The following DLGAP2 variants were observed in gnomAD, a reference collection of about 807,000 sequenced individuals.
DLGAP2 encodes the protein disks large-associated protein 2.
A neutral mutation model predicts 100.3 loss-of-function variants in DLGAP2; 26 were observed. The ratio of observed to expected loss-of-function variants is 0.26; its 90% CI spans 0.19 to 0.36. The LOEUF is 0.36. DLGAP2 is among the 10% of genes least tolerant of loss of function. The pLI, the probability that DLGAP2 is intolerant of heterozygous loss-of-function variation, is 1.00. For missense variants in DLGAP2, 1,858 were observed against 1,453.2 expected, an observed-to-expected ratio of 1.28 and a Z score of -4.53; for synonymous variants, 886 against 630.1, an observed-to-expected ratio of 1.41 and a Z score of -6.08.
rs779157177 is a variant in DLGAP2, at chr8:1,701,411, G to C, written c.*5G>C. 3 of 1,577,848 alleles carry C rather than the reference G, an allele frequency of 1.9e-6. No homozygotes were observed. The highest frequency in any genetic ancestry group is 2.6e-6 in the Non-Finnish European group (3 of 1,163,282). On this transcript the variant is annotated 3_prime_UTR_variant, in exon 15 of 15. Transcript: ENST00000637795. Reference sequence around the variant, plus strand: ...GAGGCCCAGACCCGGCTCTGAGGGCGGAGGCCGGCGCCTTCCCCTCGTCGC... The same window carrying C: ...GAGGCCCAGACCCGGCTCTGAGGGCCGAGGCCGGCGCCTTCCCCTCGTCGC...
chr8:1,428,993 C>T (rs1052255782), intron 3 of DLGAP2, among the ~76,000 whole-genome samples: 2 of 152,190 alleles, frequency 1.3e-5, no homozygotes, highest in Non-Finnish European at 2.9e-5. Context: ...CATTAAAATT[C>T]TGTGGAGTTT....
At chr8:827,759 A>G (rs997658749) in intron 1 of DLGAP2, among the ~76,000 whole-genome samples, 31 of 152,230 alleles carry the variant, frequency 2.0e-4, no homozygotes, top group African/African-American at 6.8e-4. Flanking sequence ...GAATAGATCT[A>G]TGTTGCTCAG....
At chr8:805,898 A>C in intron 1 of DLGAP2, among the ~76,000 whole-genome samples, 1 of 152,264 alleles carries the variant, frequency 6.6e-6, no homozygotes, top group East Asian at 1.9e-4. Flanking sequence ...GGCTGGGAAC[A>C]TAGCCAGCAC....
At chr8:1,413,175 GGC>G (rs1424503438) in intron 3 of DLGAP2, among the ~76,000 whole-genome samples, 9 of 152,086 alleles carry the variant, frequency 5.9e-5, no homozygotes, top group Admixed American at 5.9e-4. Context: ...TCCAAGTCAT[GGC>G]TTGTCTCCCT....
intron 2 of DLGAP2, among the ~76,000 whole-genome samples, chr8:997,370 T>G (rs114832675): frequency 7.0e-4 from 106 of 152,334 alleles, no homozygotes; most frequent in African/African-American, 2.5e-3. Context: ...TTTTCCCCTG[T>G]CCTTTTTAGA....
intron 3 of DLGAP2, among the ~76,000 whole-genome samples, chr8:1,290,732 G>A (rs993522811): frequency 6.6e-6 from 1 of 152,194 alleles, no homozygotes; most frequent in African/African-American, 2.4e-5. Context: ...ATTCCAGACA[G>A]TATGTAGTTA....
chr8:1,306,802 C>G (rs1563073770), intron 3 of DLGAP2, among the ~76,000 whole-genome samples: 1 of 152,118 alleles, frequency 6.6e-6, no homozygotes, highest in Non-Finnish European at 1.5e-5. Context: ...GGAGAAGGAA[C>G]AGTGTTTTCA....
chr8:1,362,191 C>T (rs1042832403), intron 3 of DLGAP2, among the ~76,000 whole-genome samples: 4 of 152,056 alleles, frequency 2.6e-5, no homozygotes, highest in East Asian at 1.9e-4. Flanking sequence ...AGGGCAGGGG[C>T]GGCCGAGGTG....
intron 2 of DLGAP2, among the ~76,000 whole-genome samples, chr8:1,158,600 G>C (rs1796835503): frequency 6.6e-6 from 1 of 152,204 alleles, no homozygotes; most frequent in Admixed American, 6.5e-5. Context: ...CCTGTGAAAT[G>C]AATGGTTTAT....
chr8:1,118,969 TATC>T, intron 2 of DLGAP2, among the ~76,000 whole-genome samples: 1 of 152,370 alleles, frequency 6.6e-6, no homozygotes, highest in South Asian at 2.1e-4. Context: ...TGATGTTCAA[TATC>T]ATTTTATTTA....
At chr8:1,258,045 C>T (rs541156249) in intron 2 of DLGAP2, among the ~76,000 whole-genome samples, 1 of 152,234 alleles carries the variant, frequency 6.6e-6, no homozygotes, top group African/African-American at 2.4e-5. Context: ...CTGTAAATGC[C>T]GTGCTCCCAA....
intron 2 of DLGAP2, among the ~76,000 whole-genome samples, chr8:1,117,234 G>A (rs56152565): frequency 0.28 from 42,335 of 152,178 alleles, 6,756 homozygotes; most frequent in Non-Finnish European, 0.38. Context: ...TGCCGAGCTA[G>A]TGCCTCGGGG....
intron 2 of DLGAP2, among the ~76,000 whole-genome samples, chr8:958,283 G>T (rs561726286): frequency 6.6e-6 from 1 of 152,056 alleles, no homozygotes; most frequent in East Asian, 1.9e-4. Flanking sequence ...ATGTTTTGTC[G>T]ATCCATTCAT....
chr8:1,457,461 C>T (rs1033592832), intron 3 of DLGAP2, among the ~76,000 whole-genome samples: 15 of 152,128 alleles, frequency 9.9e-5, no homozygotes, highest in African/African-American at 3.6e-4. Flanking sequence ...ACTCGGTCTC[C>T]TAGAAACATA....
Position 1,459,982 on chromosome 8 carries a change from G to A in DLGAP2, c.107-41384G>A, listed in dbSNP as rs75079229. Among the ~76,000 whole-genome samples, 228 of 152,282 alleles carry A rather than the reference G, an allele frequency of 1.5e-3. No homozygotes were observed. In the East Asian group the frequency reaches 0.028, roughly 19 times the overall value. On this transcript the variant is annotated intron_variant, in intron 3 of 14. Transcript: ENST00000637795. ...AGTACTCACAGAGGTTCGGGACCTC[G>A]GGTGTTTTTATGTAATGGAATGAAG...
Position 1,284,354 on chromosome 8 carries a change from C to A in DLGAP2, c.106+25471C>A, listed in dbSNP as rs193029609. On this transcript the variant is annotated intron_variant, in intron 3 of 14. Transcript: ENST00000637795. ...TCTGGTATCCGGGGCTGTGGAATTG[C>A]TTCAGAGGAACCCATTAAAATGATC... 7.9e-4 allele frequency among the ~76,000 whole-genome samples: 121 copies of A among 152,238 alleles called. 1 individual carries two copies. In the East Asian group the frequency reaches 0.014, roughly 18 times the overall value.
chr8:1,205,803 C>T (rs1245476754), intron 2 of DLGAP2, among the ~76,000 whole-genome samples: 2 of 152,156 alleles, frequency 1.3e-5, no homozygotes, highest in Non-Finnish European at 2.9e-5. Flanking sequence ...CCTAGGAGGA[C>T]TTCAGTCCGC....
intron 10 of DLGAP2, among the ~76,000 whole-genome samples, chr8:1,672,388 C>T (rs770999060): frequency 5.9e-5 from 9 of 152,028 alleles, no homozygotes; most frequent in Admixed American, 2.6e-4. Context: ...TGTGCCACCA[C>T]GCCTAATTTT....
rs926711865 is a variant in DLGAP2, at chr8:1,139,748, G to C, written c.74-119103G>C. Among the ~76,000 whole-genome samples, 4 of 152,174 alleles carry C rather than the reference G, an allele frequency of 2.6e-5. No homozygotes were observed. The East Asian group carries it at 5.8e-4, about 22-fold the overall frequency. On this transcript the variant is annotated intron_variant, in intron 2 of 14. Coordinates refer to ENST00000637795, the MANE Select transcript of DLGAP2 (RefSeq NM_001346810.2). ...TTCAGGACCTTCTTGGAGAGGGAGT[G>C]AGGATGGTGCCTGGCACAGGGTTTG...
Sources: gnomAD v4.1 joint callset for allele counts (sites outside exome capture counted in the v4.1 genomes callset) on GRCh38, gnomAD v4.1.1 for gene constraint, MANE v1.5 for transcripts, NCBI Gene and HGNC (gene_info 2026-07-23, HGNC 2026-07-21) for gene names.